The following SLC36A4 variants were observed in gnomAD, a reference collection of about 807,000 sequenced individuals.
SLC36A4 encodes neutral amino acid uniporter 4.
In SLC36A4, 49 loss-of-function variants were observed where a neutral mutation model predicts 50.5. The ratio of observed to expected loss-of-function variants is 0.97; its 90% CI spans 0.77 to 1.23. The LOEUF (loss-of-function observed/expected upper bound fraction) is 1.23, where lower values mean the gene tolerates loss of function less well. Ranked by LOEUF, SLC36A4 falls within the 50% of genes most tolerant of loss-of-function variation. SLC36A4 has a pLI of 0.00. For synonymous variants in SLC36A4, 207 were observed against 206.5 expected (o/e 1.00, Z -0.02); for missense variants, 611 against 608.4 (o/e 1.00, Z -0.05).
intron 6 of SLC36A4, among the ~76,000 whole-genome samples, chr11:93,170,452 G>A (rs1206703987): frequency 1.3e-5 from 2 of 151,918 alleles, no homozygotes; most frequent in Non-Finnish European, 2.9e-5. Context: ...TTTGTCAGCT[G>A]AGCCTCACAA....
chr11:93,163,882 A>G (rs1860745710), intron 8 of SLC36A4, among the ~76,000 whole-genome samples: 2 of 152,074 alleles, frequency 1.3e-5, no homozygotes, highest in South Asian at 4.1e-4. Flanking sequence ...TGTTACTCAT[A>G]TTATTCCACT....
intron 1 of SLC36A4, among the ~76,000 whole-genome samples, chr11:93,190,742 C>CT (rs142806357): frequency 2.6e-5 from 4 of 151,962 alleles, no homozygotes; most frequent in Admixed American, 6.6e-5. Flanking sequence ...ATACATTTTT[C>CT]TTTTTTTTGA....
intron 1 of SLC36A4, among the ~76,000 whole-genome samples, chr11:93,188,553 A>G (rs1040145975): frequency 1.3e-5 from 2 of 152,080 alleles, no homozygotes; most frequent in Non-Finnish European, 2.9e-5. Flanking sequence ...CATTCTCCAT[A>G]CATTGTTTTG....
intron 6 of SLC36A4, chr11:93,180,413 T>C (rs1861685964): frequency 1.9e-5 from 14 of 751,888 alleles, no homozygotes; most frequent in Non-Finnish European, 1.9e-5. Flanking sequence ...TAATGAATGC[T>C]CACTATTTTT....
At chr11:93,168,299 A>T in intron 6 of SLC36A4, 128 bp from the exon 7 acceptor site, 1 of 470,536 alleles carries the variant, frequency 2.1e-6, no homozygotes. Flanking sequence ...ATATTTTAAA[A>T]TATTTACATT....
At chr11:93,177,813 C>T (rs371926128) in intron 6 of SLC36A4, among the ~76,000 whole-genome samples, 3 of 152,072 alleles carry the variant, frequency 2.0e-5, no homozygotes, top group Admixed American at 6.6e-5. Context: ...TAGGCTACTC[C>T]GGGGTCAGGG....
chr11:93,196,442 C>T (rs1862427278), intron 1 of SLC36A4, among the ~76,000 whole-genome samples: 1 of 152,158 alleles, frequency 6.6e-6, no homozygotes, highest in Non-Finnish European at 1.5e-5. Context: ...TCTCGGCTCA[C>T]GGCAAGCTCC....
At chr11:93,195,803 T>C (rs1303814354) in intron 1 of SLC36A4, among the ~76,000 whole-genome samples, 3 of 152,214 alleles carry the variant, frequency 2.0e-5, no homozygotes, top group Admixed American at 6.5e-5. Context: ...CTAATTTCCT[T>C]ACCTCTTCCA....
intron 10 of SLC36A4, chr11:93,152,370 T>C (rs753816436): frequency 9.2e-5 from 14 of 152,148 alleles, no homozygotes; most frequent in Non-Finnish European, 1.6e-4. Context: ...TGAATATCAG[T>C]TGGCTTTTAC....
At chr11:93,193,051 C>CT (rs149190374) in intron 1 of SLC36A4, 33,102 of 705,674 alleles carry the variant, frequency 0.047, 875 homozygotes, top group South Asian at 0.088. Context: ...TCAATAAACA[C>CT]TTTTTTTGTC....
At chr11:93,164,216 A>G (rs1188537649) in intron 8 of SLC36A4, among the ~76,000 whole-genome samples, 1 of 152,180 alleles carries the variant, frequency 6.6e-6, no homozygotes, top group African/African-American at 2.4e-5. Context: ...ATGTATACTC[A>G]CATACGTGTA....
chr11:93,181,703 G>C lies in SLC36A4; in HGVS notation c.443C>G (p.Ala148Gly). Reference sequence around the variant, plus strand: ...AGTAAGTACTTACCGCCCCCATGCTGCTTGCTTCTGAAGACAACTCCAAGG... The same window carrying C: ...AGTAAGTACTTACCGCCCCCATGCTCCTTGCTTCTGAAGACAACTCCAAGG... ...VSPWSCLQKQAAWGRSVVDFF... is the reference protein window; with the variant it reads ...VSPWSCLQKQGAWGRSVVDFF... Residue 148 changes from alanine (A) to glycine (G), a missense_variant, in exon 5 of 11, where the codon GCA (alanine) becomes GGA (glycine). Coordinates refer to ENST00000326402, the MANE Select transcript of SLC36A4 (RefSeq NM_152313.4). 1.3e-6 allele frequency: 2 copies of C among 1,533,760 alleles called. No individual in the cohort carries two copies. Among genetic ancestry groups the C allele is most frequent in the Non-Finnish European group, 1.8e-6 (2 of 1,135,360 alleles).
rs1372015211 is a variant in SLC36A4 at position 93,148,216 on chromosome 11, A to C, written c.*321T>G. ...AGTGAGTGGCAAAAGAGTAGCATAA[A>C]AGAGAGATAACTTGGTTAAGGTATT... On this transcript the variant is annotated 3_prime_UTR_variant, in exon 11 of 11. Transcript: ENST00000326402. The C allele has an allele frequency of 4.7e-6, 1 of 213,726 alleles. No homozygotes were observed. Among genetic ancestry groups the C allele is most frequent in the Non-Finnish European group, 9.1e-6 (1 of 109,452 alleles). 13.2% of individuals were successfully genotyped at this position (213,726 alleles called of 1,614,324 possible).
intron 1 of SLC36A4, 138 bp from the exon 2 acceptor site, chr11:93,185,952 T>A (rs1240895356): frequency 1.1e-5 from 7 of 638,210 alleles, no homozygotes; most frequent in Non-Finnish European, 1.5e-5. Flanking sequence ...TTCATACTAA[T>A]ACCCTGAGTT....
chr11:93,166,416 C>G (rs1395825213), intron 7 of SLC36A4: 1 of 991,598 alleles, frequency 1.0e-6, no homozygotes, highest in Admixed American at 5.9e-5. Context: ...TCATTCTCCA[C>G]TCTATTTTTA....
At chr11:93,197,602 C>A in intron 1 of SLC36A4, 176 bp downstream of exon 1, 1 of 692,360 alleles carries the variant, frequency 1.4e-6, no homozygotes, top group Non-Finnish European at 2.4e-6. Flanking sequence ...CTTCGTCTGA[C>A]CAAGTTCTCG....
At chr11:93,170,355 T>C (rs1311864617) in intron 6 of SLC36A4, 1 of 152,132 alleles carries the variant, frequency 6.6e-6, no homozygotes, top group Admixed American at 6.6e-5. Context: ...CAGCAGATTA[T>C]GTTCGTCAGT....
intron 9 of SLC36A4, chr11:93,159,864 A>T: frequency 1.0e-6 from 1 of 985,244 alleles, no homozygotes; most frequent in Non-Finnish European, 1.2e-6. Flanking sequence ...ACCCTAATAT[A>T]CTCTGAGACT....
chr11:93,175,548 A>C lies in SLC36A4; in HGVS notation c.540+5249T>G, dbSNP rs1861420734. On this transcript the variant is annotated intron_variant, in intron 6 of 10. Coordinates refer to ENST00000326402, the MANE Select transcript of SLC36A4 (RefSeq NM_152313.4). ...CTTTTAATTGTGATGTTAGGGTGTC[A>C]ATTTTGGATCTTTCCTGCTTTCTCT... Among the ~76,000 whole-genome samples, 4 of 139,266 alleles carry C rather than the reference A, an allele frequency of 2.9e-5. No individual in the cohort carries two copies. In the South Asian group the frequency reaches 7.2e-4, roughly 25 times the overall value. The allele number at this position is 139,266 out of a possible 152,430, so 91.4% of individuals were successfully genotyped here. A position where few individuals can be genotyped will look rare whatever the true frequency, so the allele number is the denominator to read the frequency against.
Sources: allele counts gnomAD v4.1 joint callset (sites outside exome capture counted in the v4.1 genomes callset), GRCh38; gene constraint gnomAD v4.1.1; transcripts MANE v1.5; gene names NCBI Gene and HGNC (gene_info 2026-07-23, HGNC 2026-07-21).